TG: variants seen among roughly 807,000 people sequenced by gnomAD.
TG encodes thyroid hormones.
A neutral mutation model predicts 324.7 loss-of-function variants in TG; 270 were observed. The observed-to-expected ratio is 0.83, with a 90% CI of 0.75 to 0.92. The LOEUF is 0.92. Among genes scored for constraint, TG ranks in the 40% least tolerant of loss-of-function variants. The pLI is 0.00. For synonymous variants in TG, 1,401 were observed against 1,327.0 expected, an observed-to-expected ratio of 1.06 and a Z score of -1.21; for missense variants, 3,591 against 3,456.4, an observed-to-expected ratio of 1.04 and a Z score of -0.98.
intron 41 of TG, chr8:133,094,668 G>T: frequency 3.0e-6 from 1 of 337,570 alleles, no homozygotes; most frequent in Non-Finnish European, 5.8e-6. Flanking sequence ...GTGCTGGTGG[G>T]AGATGGTTCT....
At chr8:132,956,582 C>A (rs190259784) in intron 27 of TG, among the ~76,000 whole-genome samples, 1 of 152,276 alleles carries the variant, frequency 6.6e-6, no homozygotes, top group Non-Finnish European at 1.5e-5. Context: ...AAAAGGCATG[C>A]AACGACGCAG....
At chr8:133,067,146 G>A (rs1019518912) in intron 41 of TG, among the ~76,000 whole-genome samples, 17 of 152,092 alleles carry the variant, frequency 1.1e-4, no homozygotes, top group Non-Finnish European at 1.8e-4. Context: ...CAGGATTTCC[G>A]GGGTCACCCA....
intron 41 of TG, chr8:133,063,531 G>A (rs1019046339): frequency 7.9e-5 from 12 of 151,842 alleles, no homozygotes; most frequent in African/African-American, 2.7e-4. Context: ...CTTTAAACTT[G>A]CATTGTTGAG....
intron 21 of TG, among the ~76,000 whole-genome samples, chr8:132,919,900 G>A (rs143299464): frequency 7.9e-5 from 12 of 152,296 alleles, no homozygotes; most frequent in African/African-American, 2.9e-4. Context: ...GCCTCATTCA[G>A]TGCTCCCAAT....
At chr8:133,056,079 G>T (rs924939307) in intron 41 of TG, among the ~76,000 whole-genome samples, 1 of 152,146 alleles carries the variant, frequency 6.6e-6, no homozygotes, top group Non-Finnish European at 1.5e-5. Context: ...GTCTCCCTGG[G>T]CAGGGCAGGG....
intron 41 of TG, among the ~76,000 whole-genome samples, chr8:133,061,265 T>C (rs1842332802): frequency 6.6e-6 from 1 of 152,216 alleles, no homozygotes; most frequent in East Asian, 1.9e-4. Context: ...TGCCTTGGCC[T>C]CCCAATGTGG....
chr8:132,962,812 G>A (rs571247217), intron 28 of TG, among the ~76,000 whole-genome samples, 182 bp from the exon 29 acceptor site: 40 of 152,256 alleles, frequency 2.6e-4, no homozygotes, highest in African/African-American at 9.4e-4. Flanking sequence ...ATCACTGAGA[G>A]GTTGGATGAT....
chr8:132,989,448 T>C (rs1832030849), intron 35 of TG, among the ~76,000 whole-genome samples: 1 of 152,204 alleles, frequency 6.6e-6, no homozygotes, highest in Non-Finnish European at 1.5e-5. Context: ...AGGTTGCTGC[T>C]GGCAGAGCGG....
At chr8:133,102,669 C>A (rs1849417364) in intron 43 of TG, 1 of 1,072,332 alleles carries the variant, frequency 9.3e-7, no homozygotes, top group South Asian at 1.4e-5. Context: ...GGAATTTCTC[C>A]CCCTTTTCTC....
chr8:133,087,403 C>G (rs1383288549), intron 41 of TG, among the ~76,000 whole-genome samples: 2 of 152,180 alleles, frequency 1.3e-5, no homozygotes, highest in Non-Finnish European at 1.5e-5. Flanking sequence ...TGCTGGACCT[C>G]TTATCTCAGC....
At chr8:132,983,252 AT>A in intron 34 of TG, 97 bp from the exon 35 acceptor site, 1 of 1,382,326 alleles carries the variant, frequency 7.2e-7, no homozygotes, top group South Asian at 1.2e-5. Flanking sequence ...TCCAAGTCCA[AT>A]TTTACAATCA....
At chr8:132,892,902 T>C (rs959695159) in intron 10 of TG, among the ~76,000 whole-genome samples, 2 of 145,872 alleles carry the variant, frequency 1.4e-5, no homozygotes, top group Non-Finnish European at 3.0e-5. Flanking sequence ...CCTGTGTGCA[T>C]GTGTGTGTGG....
chr8:133,131,902 G>A lies in TG; in HGVS notation c.7953G>A (p.Leu2651=). 2 of 1,614,162 alleles carry A rather than the reference G, an allele frequency of 1.2e-6. No individual in the cohort carries two copies. The highest frequency in any genetic ancestry group is 1.7e-5 in the Admixed American group (1 of 60,026). ...AGTTTTCTCTGGAGGAGAAGAGCCTGTCGCTGAAAATCATGCAGTACTTTT... is the reference window on the plus strand; with the variant it reads ...AGTTTTCTCTGGAGGAGAAGAGCCTATCGCTGAAAATCATGCAGTACTTTT... ...EGQFSLEEKS[L]SLKIMQYFSH... The change falls in exon 46 of 48, where the codon CTG becomes CTA. Residue 2651 remains leucine (L), a synonymous_variant. Coordinates refer to ENST00000220616, the MANE Select transcript of TG (RefSeq NM_003235.5).
chr8:132,959,509 A>G (rs905417190), intron 27 of TG, among the ~76,000 whole-genome samples: 9 of 152,206 alleles, frequency 5.9e-5, no homozygotes, highest in Non-Finnish European at 1.3e-4. Context: ...CTTTTTTTGT[A>G]TGAAAAATAT....
intron 45 of TG, among the ~76,000 whole-genome samples, chr8:133,122,932 T>C (rs1214375974): frequency 6.6e-6 from 1 of 152,138 alleles, no homozygotes; most frequent in East Asian, 1.9e-4. Context: ...CAGCGCGGCC[T>C]GTAATCCAGG....
chr8:133,099,094 G>A (rs147912945), intron 43 of TG, among the ~76,000 whole-genome samples: 1 of 152,332 alleles, frequency 6.6e-6, no homozygotes, highest in African/African-American at 2.4e-5. Flanking sequence ...ACCAGCAGGA[G>A]GCTCACTGCC....
At chr8:133,104,155 C>T (rs1484061741) in intron 43 of TG, among the ~76,000 whole-genome samples, 2 of 152,030 alleles carry the variant, frequency 1.3e-5, no homozygotes, top group East Asian at 3.9e-4. Flanking sequence ...ACAGGGAGGT[C>T]AGTGCTAGGA....
intron 34 of TG, among the ~76,000 whole-genome samples, chr8:132,976,907 T>G (rs1830241565): frequency 6.6e-6 from 1 of 152,186 alleles, no homozygotes; most frequent in Non-Finnish European, 1.5e-5. Context: ...TGTGGATTAT[T>G]TCCTCCTAAG....
intron 8 of TG, among the ~76,000 whole-genome samples, chr8:132,884,782 A>C (rs1000178656): frequency 1.3e-5 from 2 of 152,244 alleles, no homozygotes; most frequent in African/African-American, 2.4e-5. Flanking sequence ...TCTGTCTGGT[A>C]TATCAGGTCC....
Sources: allele counts gnomAD v4.1 joint callset (sites outside exome capture counted in the v4.1 genomes callset), GRCh38; gene constraint gnomAD v4.1.1; transcripts MANE v1.5; gene names NCBI Gene and HGNC (gene_info 2026-07-23, HGNC 2026-07-21).